The following ADAM22 variants were observed in gnomAD, a reference collection of about 807,000 sequenced individuals.
The protein encoded by ADAM22 is ADAM metallopeptidase domain 22.
ADAM22 carries 65 observed loss-of-function variants against 144.6 expected under a neutral mutation model. The observed-to-expected ratio is 0.45, with a 90% CI of 0.37 to 0.55. ADAM22 has a LOEUF of 0.55. ADAM22 is among the 20% of genes least tolerant of loss of function. The pLI is 0.00. For missense variants in ADAM22, 974 were observed against 1,184.9 expected (o/e 0.82, Z 2.61); for synonymous variants, 391 against 412.6 (o/e 0.95, Z 0.63).
chr7:88,137,980 T>C (rs2373485), intron 14 of ADAM22, among the ~76,000 whole-genome samples: 52,969 of 151,846 alleles, frequency 0.35, 12,459 homozygotes, highest in African/African-American at 0.63. Context: ...ATGGTGAAAC[T>C]ACATCTCTAC....
chr7:88,156,296 T>C (rs1352806014), intron 22 of ADAM22, among the ~76,000 whole-genome samples: 1 of 152,170 alleles, frequency 6.6e-6, no homozygotes, highest in Non-Finnish European at 1.5e-5. Flanking sequence ...GACTTCTAGG[T>C]AAATCAGTGT....
At chr7:87,942,370 T>G (rs1222374720) in intron 2 of ADAM22, among the ~76,000 whole-genome samples, 1 of 152,164 alleles carries the variant, frequency 6.6e-6, no homozygotes, top group Non-Finnish European at 1.5e-5. Flanking sequence ...CAGGTAATAC[T>G]TATCTGTAAA....
intron 14 of ADAM22, 88 bp downstream of exon 14, chr7:88,136,119 T>A (rs1048480024): frequency 1.2e-5 from 14 of 1,175,754 alleles, no homozygotes; most frequent in African/African-American, 4.6e-5. Flanking sequence ...AATAACTTAG[T>A]GCATGGAATC....
intron 5 of ADAM22, among the ~76,000 whole-genome samples, chr7:88,109,094 G>A (rs11768853): frequency 0.39 from 59,862 of 151,906 alleles, 13,784 homozygotes; most frequent in East Asian, 0.88. Context: ...GGAAACGCCT[G>A]ACTCCTTACA....
At chr7:87,955,487 C>T (rs1176331338) in intron 2 of ADAM22, among the ~76,000 whole-genome samples, 1 of 152,182 alleles carries the variant, frequency 6.6e-6, no homozygotes, top group Non-Finnish European at 1.5e-5. Flanking sequence ...CTGATCGTTC[C>T]TCTGGAAGTT....
In ADAM22 at chr7:88,073,562, C is replaced by T. The variant is rs550685511; in HGVS notation, c.324-2064C>T. ...CTAGAGGTGAGGGAACCAAAAGCTC[C>T]CACAGACTAAATTCCAATCCTCAAA... is the stretch of plus-strand genomic sequence containing the variant. On this transcript the variant is annotated intron_variant, in intron 3 of 31. Transcript: ENST00000413139. Among the ~76,000 whole-genome samples the T allele has an allele frequency of 1.1e-4, 17 of 152,260 alleles. No individual in the cohort carries two copies. In the South Asian group the frequency reaches 2.7e-3, roughly 24 times the overall value.
At chr7:88,083,668 A>G (rs542059985) in intron 4 of ADAM22, among the ~76,000 whole-genome samples, 14 of 149,068 alleles carry the variant, frequency 9.4e-5, no homozygotes, top group Middle Eastern at 3.4e-3. Flanking sequence ...TCCAGACTTT[A>G]GGACATTTTG....
At chr7:88,142,373 G>A (rs187931453) in intron 14 of ADAM22, among the ~76,000 whole-genome samples, 1 of 152,134 alleles carries the variant, frequency 6.6e-6, no homozygotes, top group Non-Finnish European at 1.5e-5. Context: ...TATATTATAG[G>A]TCAGTTATTT....
intron 26 of ADAM22, among the ~76,000 whole-genome samples, chr7:88,176,273 C>T (rs1323182180): frequency 6.6e-6 from 1 of 152,178 alleles, no homozygotes; most frequent in Non-Finnish European, 1.5e-5. Flanking sequence ...AAATTCATAA[C>T]CTATCACTGA....
chr7:88,153,356 T>G, intron 21 of ADAM22, 30 bp downstream of exon 21: 1 of 1,562,824 alleles, frequency 6.4e-7, no homozygotes, highest in Non-Finnish European at 8.8e-7. Flanking sequence ...CCAGAATTCA[T>G]CCCTTGGTCA....
chr7:88,070,391 G>A lies in ADAM22; in HGVS notation c.324-5235G>A, dbSNP rs546733762. On this transcript the variant is annotated intron_variant, in intron 3 of 31. Transcript: ENST00000413139. ...TAGATGATTTGGTAAAGGCGAAACA[G>A]CCTTTAGTCTGTCTGAGTTATAACA... Among the ~76,000 whole-genome samples, 9 of 152,276 alleles carry A rather than the reference G, an allele frequency of 5.9e-5. No individual in the cohort carries two copies. In the East Asian group the frequency reaches 1.4e-3, roughly 23 times the overall value.
At chr7:88,021,717 G>A (rs1289050084) in intron 3 of ADAM22, among the ~76,000 whole-genome samples, 1 of 152,152 alleles carries the variant, frequency 6.6e-6, no homozygotes, top group African/African-American at 2.4e-5. Context: ...GACTGAAATT[G>A]TATTCAAAAT....
chr7:88,098,774 A>T (rs1822136586), intron 4 of ADAM22, among the ~76,000 whole-genome samples: 2 of 152,134 alleles, frequency 1.3e-5, no homozygotes, highest in African/African-American at 4.8e-5. Context: ...CTCCGGTGGT[A>T]ATCATGTATC....
chr7:87,981,842 CATT>C (rs1853519732), intron 3 of ADAM22, among the ~76,000 whole-genome samples: 6 of 147,616 alleles, frequency 4.1e-5, no homozygotes, highest in Admixed American at 2.1e-4. Flanking sequence ...ATGAGGATAA[CATT>C]ATAATTAAAT....
chr7:88,024,048 ACTC>A (rs1798429642), intron 3 of ADAM22, among the ~76,000 whole-genome samples: 1 of 151,904 alleles, frequency 6.6e-6, no homozygotes, highest in South Asian at 2.1e-4. Context: ...GCTGAATAGT[ACTC>A]CTTGCTATAT....
chr7:88,145,389 G>A (rs1033212434), intron 16 of ADAM22, 26 bp from the exon 17 acceptor site: 4 of 1,586,558 alleles, frequency 2.5e-6, no homozygotes, highest in Admixed American at 3.5e-5. Context: ...GTTTTCTGAT[G>A]TTTTGAAAAT....
intron 3 of ADAM22, among the ~76,000 whole-genome samples, chr7:87,991,632 C>T (rs1354884491): frequency 6.6e-6 from 1 of 152,156 alleles, no homozygotes; most frequent in East Asian, 1.9e-4. Context: ...TCCCAAAGTG[C>T]TGGGATTACA....
At chr7:88,174,777 T>C (rs1484714683) in intron 26 of ADAM22, among the ~76,000 whole-genome samples, 1 of 152,172 alleles carries the variant, frequency 6.6e-6, no homozygotes, top group Non-Finnish European at 1.5e-5. Context: ...GGTTTCACTT[T>C]AAGCAGAATG....
Position 88,104,291 on chromosome 7 carries a change from G to T in ADAM22, c.391-3885G>T, listed in dbSNP as rs142228861. On this transcript the variant is annotated intron_variant, in intron 4 of 31. Coordinates refer to ENST00000413139, the MANE Select transcript of ADAM22 (RefSeq NM_001324418.2). The stretch of plus-strand genomic sequence containing the variant: ...TATAAAACTATTTGTGAAGTGAAAA[G>T]GATATATGGATATATGTGTATGTGT... Among the ~76,000 whole-genome samples, 419 of 152,152 alleles carry T rather than the reference G, an allele frequency of 2.8e-3. 2 individuals are homozygous for T. The highest frequency in any genetic ancestry group is 9.5e-3 in the African/African-American group (395 of 41,538).
Sources: gnomAD v4.1 joint callset for allele counts (sites outside exome capture counted in the v4.1 genomes callset) on GRCh38, gnomAD v4.1.1 for gene constraint, MANE v1.5 for transcripts, NCBI Gene and HGNC (gene_info 2026-07-23, HGNC 2026-07-21) for gene names.